Variants in ARID2 observed in about 807,000 individuals in gnomAD.
The protein encoded by ARID2 is AT-rich interactive domain-containing protein 2.
In ARID2, 32 loss-of-function variants were observed where a neutral mutation model predicts 184.6. That is an observed-to-expected ratio of 0.17 (90% CI 0.13 to 0.23). ARID2 has a LOEUF of 0.23. ARID2 is among the 10% of genes least tolerant of loss of function. ARID2 has a pLI of 1.00. For synonymous variants in ARID2, 836 were observed against 772.6 expected (o/e 1.08, Z -1.36); for missense variants, 1,696 against 2,197.6 (o/e 0.77, Z 4.56).
chr12:45,778,258 G>T (rs139477232), intron 3 of ARID2, among the ~76,000 whole-genome samples: 335 of 151,960 alleles, frequency 2.2e-3, no homozygotes, highest in African/African-American at 7.2e-3. Context: ...CCCCCAACCC[G>T]CAAGAAAATG....
At chr12:45,888,540 C>G (rs1944236580) in intron 16 of ARID2, among the ~76,000 whole-genome samples, 1 of 152,150 alleles carries the variant, frequency 6.6e-6, no homozygotes, top group Non-Finnish European at 1.5e-5. Flanking sequence ...AGAGGATTAA[C>G]AAGATGGGCA....
rs201757186 is a variant in ARID2, at chr12:45,839,533, C to A, written c.1498+37C>A. The A allele has an allele frequency of 2.8e-5, 44 of 1,580,086 alleles. 1 individual carries two copies. The East Asian group carries it at 9.0e-4, about 32-fold the overall frequency. Reference sequence around the variant, plus strand: ...CACATATTCTTTTTCAGTGTGGTTACGAGTGTATAAGATTTGATCCTAAGA... The same window carrying A: ...CACATATTCTTTTTCAGTGTGGTTAAGAGTGTATAAGATTTGATCCTAAGA... On this transcript the variant is annotated intron_variant, in intron 11 of 20. Transcript: ENST00000334344.
chr12:45,893,389 C>G, intron 18 of ARID2, 31 bp from the exon 19 acceptor site: 1 of 376,066 alleles, frequency 2.7e-6, no homozygotes, highest in Non-Finnish European at 4.0e-6. Flanking sequence ...CACGTTAATT[C>G]TCTCTCTCTC....
At chr12:45,819,417 A>G (rs1437141564) in intron 5 of ARID2, among the ~76,000 whole-genome samples, 3 of 152,206 alleles carry the variant, frequency 2.0e-5, no homozygotes, top group Admixed American at 1.3e-4. Flanking sequence ...TCCACAGTAC[A>G]TAGGGACTTT....
At chr12:45,847,777 A>G (rs868032477) in intron 12 of ARID2, among the ~76,000 whole-genome samples, 1 of 152,000 alleles carries the variant, frequency 6.6e-6, no homozygotes, top group African/African-American at 2.4e-5. Context: ...AGACTTTTCT[A>G]CTTTGCTTAA....
At chr12:45,832,597 C>T (rs1241229596) in intron 6 of ARID2, among the ~76,000 whole-genome samples, 1 of 152,134 alleles carries the variant, frequency 6.6e-6, no homozygotes, top group East Asian at 1.9e-4. Flanking sequence ...CTGCCTCAGC[C>T]TCCCAAGTAG....
At chr12:45,787,997 TTGTA>T (rs1942227311) in intron 3 of ARID2, among the ~76,000 whole-genome samples, 1 of 152,230 alleles carries the variant, frequency 6.6e-6, no homozygotes, top group African/African-American at 2.4e-5. Flanking sequence ...ACGGATAGCA[TTGTA>T]TGTTTTTGTC....
At chr12:45,790,836 A>C (rs1490498152) in intron 3 of ARID2, among the ~76,000 whole-genome samples, 2 of 152,178 alleles carry the variant, frequency 1.3e-5, no homozygotes, top group African/African-American at 4.8e-5. Context: ...TCCATCATTT[A>C]GATATGATTT....
intron 11 of ARID2, among the ~76,000 whole-genome samples, chr12:45,842,469 T>C (rs1219984235): frequency 1.3e-5 from 2 of 151,838 alleles, no homozygotes; most frequent in African/African-American, 2.4e-5. Context: ...TAAATAATTA[T>C]TAAACAAGGC....
intron 3 of ARID2, among the ~76,000 whole-genome samples, chr12:45,791,725 G>A (rs1409270889): frequency 6.6e-6 from 1 of 152,108 alleles, no homozygotes; most frequent in Admixed American, 6.6e-5. Flanking sequence ...CTCCCAAGTA[G>A]GTGGGACTCA....
intron 16 of ARID2, chr12:45,881,475 T>C (rs1047315550): frequency 8.5e-5 from 13 of 152,936 alleles, no homozygotes; most frequent in African/African-American, 3.1e-4. Flanking sequence ...TCTGTTTTTC[T>C]TGGACTTCAG....
At chr12:45,802,984 C>T (rs929488906) in intron 3 of ARID2, among the ~76,000 whole-genome samples, 2 of 151,746 alleles carry the variant, frequency 1.3e-5, no homozygotes, top group African/African-American at 4.8e-5. Flanking sequence ...TTCCCGCTAT[C>T]CTCTCCCCTC....
In ARID2 at chr12:45,811,525, A is replaced by G. The variant is rs2138082945; in HGVS notation, c.392A>G (p.Tyr131Cys). Residue 131 changes from tyrosine (Y) to cysteine (C), a missense_variant, in exon 4 of 21, where the codon TAC (tyrosine) becomes TGC (cysteine). By Grantham distance (194) the Tyr-to-Cys change is radical (BLOSUM62 -2). This residue lies in a region of ARID2 where 148 missense variants were observed against 285.4 expected (regional missense o/e 0.52). Transcript: ENST00000334344. Reference protein sequence around the residue: ...QLPIGAIPSSYNYQQHSVSDY... With the variant: ...QLPIGAIPSSCNYQQHSVSDY... ...CCTATTGGTGCAATTCCATCTTCCT[A>G]CAATTACCAGCAACACAGTGTGTCG... The G allele has an allele frequency of 6.2e-7, 1 of 1,613,902 alleles. No homozygotes were observed. The highest frequency in any genetic ancestry group is 1.1e-5 in the South Asian group (1 of 91,048).
chr12:45,809,521 T>C (rs915546547), intron 3 of ARID2, among the ~76,000 whole-genome samples: 1 of 152,226 alleles, frequency 6.6e-6, no homozygotes, highest in Non-Finnish European at 1.5e-5. Flanking sequence ...TTGTTCTGTT[T>C]TGTGTTCTTA....
chr12:45,752,630 T>A (rs971237165), intron 3 of ARID2, among the ~76,000 whole-genome samples: 2 of 152,162 alleles, frequency 1.3e-5, no homozygotes, highest in African/African-American at 4.8e-5. Flanking sequence ...CAAGCAGTCC[T>A]TCTGCCTCAC....
At chr12:45,816,986 A>G (rs1942814914) in intron 4 of ARID2, among the ~76,000 whole-genome samples, 1 of 152,238 alleles carries the variant, frequency 6.6e-6, no homozygotes, top group Admixed American at 6.5e-5. Flanking sequence ...GAATTGTAGA[A>G]CTAAAATTAG....
intron 12 of ARID2, among the ~76,000 whole-genome samples, chr12:45,848,196 A>G (rs950773793): frequency 3.9e-5 from 6 of 152,020 alleles, no homozygotes; most frequent in Non-Finnish European, 1.5e-5. Context: ...GAAAGAGCCT[A>G]TCAGGGTAAT....
intron 3 of ARID2, among the ~76,000 whole-genome samples, chr12:45,802,347 A>G (rs950449736): frequency 1.3e-5 from 2 of 152,142 alleles, no homozygotes; most frequent in Non-Finnish European, 2.9e-5. Flanking sequence ...AATTATAGGC[A>G]TGAACCACTG....
At chr12:45,886,369 G>A (rs1406617877) in intron 16 of ARID2, among the ~76,000 whole-genome samples, 1 of 152,178 alleles carries the variant, frequency 6.6e-6, no homozygotes, top group Non-Finnish European at 1.5e-5. Context: ...GGCTTTGCAG[G>A]ATACAGTGCC....
Sources: allele counts gnomAD v4.1 joint callset (sites outside exome capture counted in the v4.1 genomes callset), GRCh38; gene constraint gnomAD v4.1.1; regional missense constraint gnomAD v4.1.1; transcripts MANE v1.5; gene names NCBI Gene and HGNC (gene_info 2026-07-23, HGNC 2026-07-21).